FCHSD2: variants seen among roughly 807,000 people sequenced by gnomAD.
FCHSD2 encodes the protein F-BAR and double SH3 domains protein 2.
FCHSD2 carries 38 observed loss-of-function variants against 108.1 expected under a neutral mutation model. That is an observed-to-expected ratio of 0.35 (90% confidence interval 0.27 to 0.46). The LOEUF (loss-of-function observed/expected upper bound fraction) is 0.46. Among genes scored for constraint, FCHSD2 ranks in the 20% least tolerant of loss-of-function variants. The pLI is 1.00. For missense variants in FCHSD2, 751 were observed against 897.8 expected, an observed-to-expected ratio of 0.84 and a Z score of 2.09; for synonymous variants, 279 against 314.7, an observed-to-expected ratio of 0.89 and a Z score of 1.20.
At chr11:73,045,616 T>C (rs1251249838) in intron 3 of FCHSD2, among the ~76,000 whole-genome samples, 8 of 150,250 alleles carry the variant, frequency 5.3e-5, no homozygotes, top group Non-Finnish European at 1.2e-4. Context: ...ATGTCCTTTG[T>C]AGGGACATGG....
chr11:73,113,941 T>G (rs1310431086), intron 2 of FCHSD2, among the ~76,000 whole-genome samples: 2 of 152,102 alleles, frequency 1.3e-5, no homozygotes, highest in African/African-American at 2.4e-5. Flanking sequence ...TCACAACACT[T>G]GGTCTCTTTG....
chr11:73,125,262 A>G, intron 2 of FCHSD2, among the ~76,000 whole-genome samples: 1 of 152,266 alleles, frequency 6.6e-6, no homozygotes, highest in East Asian at 1.9e-4. Context: ...AATCTTTTTA[A>G]AAGATACCTG....
At chr11:72,903,749 A>G (rs1855575720) in intron 9 of FCHSD2, among the ~76,000 whole-genome samples, 1 of 152,186 alleles carries the variant, frequency 6.6e-6, no homozygotes, top group African/African-American at 2.4e-5. Flanking sequence ...GAAGATGGGC[A>G]GAAGAAAAAA....
intron 2 of FCHSD2, among the ~76,000 whole-genome samples, chr11:73,103,942 G>T (rs537490047): frequency 6.6e-6 from 1 of 152,166 alleles, no homozygotes; most frequent in South Asian, 2.1e-4. Context: ...CTTTTGCAAT[G>T]TCTGAAACAA....
At chr11:73,023,873 G>A (rs1858166037) in intron 3 of FCHSD2, among the ~76,000 whole-genome samples, 1 of 152,142 alleles carries the variant, frequency 6.6e-6, no homozygotes, top group Non-Finnish European at 1.5e-5. Flanking sequence ...ATCTTAAAAT[G>A]CATTTTGTTA....
At chr11:72,981,679 T>C (rs372250808) in intron 8 of FCHSD2, among the ~76,000 whole-genome samples, 4 of 152,154 alleles carry the variant, frequency 2.6e-5, no homozygotes, top group African/African-American at 9.7e-5. Context: ...TAATACCTAA[T>C]ACGATACTAA....
intron 12 of FCHSD2, among the ~76,000 whole-genome samples, chr11:72,869,967 T>A (rs149346859): frequency 1.4e-3 from 220 of 152,212 alleles, no homozygotes; most frequent in African/African-American, 4.9e-3. Flanking sequence ...TCTTTCACAG[T>A]TTGGCTGAGT....
At chr11:73,071,899 A>ATC (rs1859446219) in intron 3 of FCHSD2, among the ~76,000 whole-genome samples, 1 of 152,138 alleles carries the variant, frequency 6.6e-6, no homozygotes, top group South Asian at 2.1e-4. Context: ...CTGACACATG[A>ATC]TCTTAATATA....
intron 2 of FCHSD2, among the ~76,000 whole-genome samples, chr11:73,111,898 G>C (rs1482878629): frequency 6.6e-6 from 1 of 151,954 alleles, no homozygotes; most frequent in Non-Finnish European, 1.5e-5. Context: ...TTTTAACTTT[G>C]TCCCCCTATT....
intron 2 of FCHSD2, among the ~76,000 whole-genome samples, chr11:73,104,574 C>G (rs1450974653): frequency 1.3e-5 from 2 of 150,850 alleles, no homozygotes; most frequent in South Asian, 4.2e-4. Flanking sequence ...ACTTTACTTA[C>G]TTATTTATTT....
intron 8 of FCHSD2, among the ~76,000 whole-genome samples, chr11:72,954,767 T>C (rs1856681430): frequency 6.6e-6 from 1 of 151,950 alleles, no homozygotes; most frequent in Non-Finnish European, 1.5e-5. Context: ...GATTTATCAA[T>C]GGTAAGGAAG....
chr11:72,849,766 A>T lies in FCHSD2; in HGVS notation c.1432T>A (p.Tyr478Asn), dbSNP rs1338733704. Reference protein sequence around the residue: ...RNYPLTCKVVYSYKASQPDEL... With the variant: ...RNYPLTCKVVNSYKASQPDEL... ...GGAGAAATACAAACCTTGTAGGAAT[A>T]AACAACTTTGCAGGTGAGTGGATAA... The change falls in exon 14 of 20, where the codon TAT (tyrosine) becomes AAT (asparagine). Residue 478 changes from tyrosine to asparagine, a missense_variant. Physicochemically the swap from Tyr to Asn is moderately radical, Grantham distance 143 (BLOSUM62 -2). Coordinates refer to ENST00000409418, the MANE Select transcript of FCHSD2 (RefSeq NM_014824.3). 1.2e-5 allele frequency: 19 copies of T among 1,610,890 alleles called. No individual in the cohort carries two copies. The highest frequency in any genetic ancestry group is 1.6e-5 in the Non-Finnish European group (19 of 1,177,984).
chr11:72,872,442 T>C (rs1001093501), intron 12 of FCHSD2, among the ~76,000 whole-genome samples: 3 of 152,128 alleles, frequency 2.0e-5, no homozygotes, highest in African/African-American at 7.2e-5. Context: ...TTACCTATTG[T>C]TCTCCAGCCC....
Position 72,989,065 on chromosome 11 carries a change from T to C in FCHSD2, c.420A>G (p.Glu140=), listed in dbSNP as rs769397712. 8 of 1,609,372 alleles carry C rather than the reference T, an allele frequency of 5.0e-6. No homozygotes were observed. The highest frequency in any genetic ancestry group is 1.1e-5 in the South Asian group (1 of 90,508). The part of the protein sequence containing the change: ...CVDQLTKIQT[E]LQETVKDLAK... ...CTAAATCTTTCACTGTCTCTTGTAA[T>C]TCAGTTTGGATCTTTGTCAACTGGT... Residue 140 remains glutamate, a synonymous_variant, in exon 6 of 20, where the codon GAA becomes GAG. Coordinates refer to ENST00000409418, the MANE Select transcript of FCHSD2 (RefSeq NM_014824.3).
intron 3 of FCHSD2, among the ~76,000 whole-genome samples, chr11:73,082,335 CAAAAAAAAAAAAA>C (rs750423401): frequency 0.017 from 599 of 34,488 alleles, 17 homozygotes; most frequent in Admixed American, 0.025. Flanking sequence ...AGACTTGTCC[CAAAAAAAAAAAAA>C]AAAAAAAAAA....
At chr11:73,008,314 G>A (rs1009256428) in intron 4 of FCHSD2, among the ~76,000 whole-genome samples, 1 of 151,966 alleles carries the variant, frequency 6.6e-6, no homozygotes, top group Non-Finnish European at 1.5e-5. Context: ...ACTCCAGCCT[G>A]GGCGACAGAC....
At chr11:72,917,691 G>GT (rs1855901420) in intron 9 of FCHSD2, among the ~76,000 whole-genome samples, 1 of 152,168 alleles carries the variant, frequency 6.6e-6, no homozygotes, top group African/African-American at 2.4e-5. Flanking sequence ...TTCAAGACTA[G>GT]CCTGGCTAAC....
chr11:72,897,622 C>A (rs1007831704), intron 10 of FCHSD2, among the ~76,000 whole-genome samples: 4 of 152,138 alleles, frequency 2.6e-5, no homozygotes, highest in African/African-American at 9.7e-5. Context: ...CATGAGGAAG[C>A]TGAATCACAA....
intron 1 of FCHSD2, among the ~76,000 whole-genome samples, chr11:73,140,520 C>T (rs1421758421): frequency 6.6e-6 from 1 of 152,098 alleles, no homozygotes; most frequent in Non-Finnish European, 1.5e-5. Context: ...TGGATGGGGG[C>T]TGGGAGCCTA....
Sources: allele counts gnomAD v4.1 joint callset (sites outside exome capture counted in the v4.1 genomes callset), GRCh38; gene constraint gnomAD v4.1.1; transcripts MANE v1.5; gene names NCBI Gene and HGNC (gene_info 2026-07-23, HGNC 2026-07-21).